Variants in TAF6L observed in about 807,000 individuals in gnomAD.
TAF6L encodes TAF6-like RNA polymerase II p300/CBP-associated factor-associated factor 65 kDa subunit 6L.
Under a neutral mutation model 57.3 loss-of-function variants are expected in TAF6L, and 34 were observed. The ratio of observed to expected loss-of-function variants is 0.59; its 90% CI spans 0.45 to 0.79. TAF6L has a LOEUF of 0.79. Ranked by LOEUF, TAF6L falls within the 30% of genes least tolerant of loss-of-function variation. The probability of loss-of-function intolerance (pLI) is 0.00; values close to 1 mark genes in which losing one functional copy is unlikely to be tolerated. For missense variants in TAF6L, 782 were observed against 853.2 expected (o/e 0.92, Z 1.04); for synonymous variants, 417 against 376.3 (o/e 1.11, Z -1.25).
chr11:62,786,150 T>C (rs2084272812), intron 9 of TAF6L, 110 bp from the exon 10 acceptor site: 5 of 1,379,000 alleles, frequency 3.6e-6, no homozygotes, highest in Non-Finnish European at 5.0e-6. Flanking sequence ...TTTAGGAGGA[T>C]TGAGCCCTGT....
At chr11:62,771,654 T>G (rs1363793116) in intron 1 of TAF6L, 164 bp downstream of exon 1, 3 of 175,092 alleles carry the variant, frequency 1.7e-5, no homozygotes, top group Non-Finnish European at 3.8e-5. Context: ...CTCCCCGATC[T>G]GGGCTGGGCT....
chr11:62,772,175 A>C (rs919499133), intron 1 of TAF6L: 1 of 456,140 alleles, frequency 2.2e-6, no homozygotes, highest in Admixed American at 2.4e-5. Flanking sequence ...TATTATTGAG[A>C]ATATAGTGAA....
chr11:62,776,465 G>A lies in TAF6L; in HGVS notation c.229G>A (p.Val77Met), dbSNP rs941145872. Residue 77 changes from valine to methionine, a missense_variant, in exon 3 of 11, where the codon GTG (valine) becomes ATG (methionine). Coordinates refer to ENST00000294168, the MANE Select transcript of TAF6L (RefSeq NM_006473.4). ...CAACAGGGCCCTCAGATGGAGCAGC[G>A]TGGAGGTGAGTGGGGTGCAGGCTAC... ...DFNRALRWSS[V>M]EAVCGYGSQE... 35 of 1,613,404 alleles carry A rather than the reference G, an allele frequency of 2.2e-5. No individual in the cohort carries two copies. Among genetic ancestry groups the A allele is most frequent in the Non-Finnish European group, 2.6e-5 (31 of 1,179,568 alleles).
Position 62,786,985 on chromosome 11 carries a change from G to T in TAF6L, c.1558G>T (p.Glu520Ter). Residue 520 changes from glutamate (E) to a stop codon, truncating the protein, a stop_gained, in exon 11 of 11, where the codon GAG becomes TAG. Coordinates refer to ENST00000294168, the MANE Select transcript of TAF6L (RefSeq NM_006473.4). LOFTEE classifies it high-confidence loss of function. Reference sequence around the variant, plus strand: ...GTCGGCCTCTGGGCCCGCCGCCTCTGAGAGCAGGCCCTTGCCGCGCGTGCA... The same window carrying T: ...GTCGGCCTCTGGGCCCGCCGCCTCTTAGAGCAGGCCCTTGCCGCGCGTGCA... ...PASASGPAAS[E>*]SRPLPRVHRA... 6.9e-7 allele frequency: 1 copy of T among 1,456,498 alleles called. No individual in the cohort carries two copies. Among genetic ancestry groups the T allele is most frequent in the South Asian group, 1.4e-5 (1 of 73,252 alleles). The allele number at this position is 1,456,498 out of a possible 1,614,324, so 90.2% of individuals were successfully genotyped here.
chr11:62,776,591 C>T, intron 3 of TAF6L, 121 bp downstream of exon 3: 1 of 972,858 alleles, frequency 1.0e-6, no homozygotes, highest in Non-Finnish European at 1.6e-6. Flanking sequence ...TGGCTCATGC[C>T]TGTAATCCCA....
intron 5 of TAF6L, 103 bp from the exon 6 acceptor site, chr11:62,778,765 CT>C (rs1286692278): frequency 2.0e-6 from 2 of 983,450 alleles, no homozygotes; most frequent in Non-Finnish European, 3.2e-6. Flanking sequence ...AGAAAGGCTT[CT>C]TGTGGATGTG....
At chr11:62,781,834 C>A in intron 6 of TAF6L, 60 bp from the exon 7 acceptor site, 1 of 1,386,872 alleles carries the variant, frequency 7.2e-7, no homozygotes, top group Non-Finnish European at 1.0e-6. Context: ...CAGAAGAATA[C>A]CGCATTCATG....
chr11:62,777,405 A>C (rs955196643), intron 3 of TAF6L, among the ~76,000 whole-genome samples: 1 of 152,202 alleles, frequency 6.6e-6, no homozygotes, highest in South Asian at 2.1e-4. Context: ...ACCAGGTGCT[A>C]GGCCCAGCCC....
At chr11:62,779,968 A>ATTTTTT (rs1341684851) in intron 6 of TAF6L, among the ~76,000 whole-genome samples, 1 of 66,634 alleles carries the variant, frequency 1.5e-5, no homozygotes, top group African/African-American at 4.4e-5. Flanking sequence ...ATATATATAT[A>ATTTTTT]TATATATATT....
Position 62,778,871 on chromosome 11 carries a change from C to T in TAF6L, c.439C>T (p.Pro147Ser), listed in dbSNP as rs1389362476. ...GCTTCCTGCCTGTCCTCTGGCAGTG[C>T]CCAGTGCTGTGTCTTCACTGACAGA... ...KGNLAPQGSV[P>S]SAVSSLTDDL... is the part of the protein sequence containing the mutation. Residue 147 changes from proline to serine, a missense_variant and splice_region_variant, in exon 6 of 11, where the codon CCC becomes TCC. Coordinates refer to ENST00000294168, the MANE Select transcript of TAF6L (RefSeq NM_006473.4). 2 of 1,613,850 alleles carry T rather than the reference C, an allele frequency of 1.2e-6. No individual in the cohort carries two copies. Among genetic ancestry groups the T allele is most frequent in the Admixed American group, 1.7e-5 (1 of 60,010 alleles).
In TAF6L at chr11:62,786,982, T is replaced by G; in HGVS notation, c.1555T>G (p.Ser519Ala). 2 of 1,455,780 alleles carry G rather than the reference T, an allele frequency of 1.4e-6. No homozygotes were observed. Among genetic ancestry groups the G allele is most frequent in the South Asian group, 1.4e-5 (1 of 73,184 alleles). 90.2% of individuals were successfully genotyped at this position (1,455,780 alleles called of 1,614,324 possible). Reference sequence around the variant, plus strand: ...CGCGTCGGCCTCTGGGCCCGCCGCCTCTGAGAGCAGGCCCTTGCCGCGCGT... The same window carrying G: ...CGCGTCGGCCTCTGGGCCCGCCGCCGCTGAGAGCAGGCCCTTGCCGCGCGT... ...GPASASGPAA[S>A]ESRPLPRVHR... Residue 519 changes from serine to alanine, a missense_variant, in exon 11 of 11, where the codon TCT becomes GCT. Physicochemically the swap from Ser to Ala is moderately conservative, Grantham distance 99. Coordinates refer to ENST00000294168, the MANE Select transcript of TAF6L (RefSeq NM_006473.4).
intron 6 of TAF6L, among the ~76,000 whole-genome samples, chr11:62,780,415 G>A (rs900532094): frequency 6.6e-6 from 1 of 152,034 alleles, no homozygotes; most frequent in Admixed American, 6.6e-5. Context: ...GGAGGCTGAC[G>A]CAGGAGAATC....
Position 62,786,920 on chromosome 11 carries a change from G to C in TAF6L, c.1493G>C (p.Gly498Ala), listed in dbSNP as rs907890241. The change falls in exon 11 of 11, where the codon GGC (glycine) becomes GCC (alanine). Residue 498 changes from glycine to alanine, a missense_variant. By Grantham distance (60) the Gly-to-Ala change is moderately conservative. Around this residue, in one of 3 missense-constraint regions of TAF6L, gnomAD observed 483 missense variants for 445.1 expected, o/e 1.09. Transcript: ENST00000294168. Reference sequence around the variant, plus strand: ...GCAAGCGCCATAGTCAGCCCGCACGGCGACGAGAGCCCCCGGGGCAGCGGC... The same window carrying C: ...GCAAGCGCCATAGTCAGCCCGCACGCCGACGAGAGCCCCCGGGGCAGCGGC... ...LTASAIVSPH[G>A]DESPRGSGGG... 3.3e-6 allele frequency: 5 copies of C among 1,493,236 alleles called. No homozygotes were observed. In the East Asian group the frequency reaches 1.4e-4, roughly 41 times the overall value. 92.5% of individuals were successfully genotyped at this position (1,493,236 alleles called of 1,614,324 possible). A position where few individuals can be genotyped will look rare whatever the true frequency, so the allele number is the denominator to read the frequency against.
At chr11:62,779,865 C>T (rs1361890648) in intron 6 of TAF6L, among the ~76,000 whole-genome samples, 7 of 145,300 alleles carry the variant, frequency 4.8e-5, no homozygotes, top group Non-Finnish European at 1.1e-4. Flanking sequence ...GAGGTTTCAC[C>T]GTGTTGGCCA....
intron 6 of TAF6L, among the ~76,000 whole-genome samples, chr11:62,781,178 G>C (rs1007940391): frequency 6.7e-6 from 1 of 149,042 alleles, no homozygotes; most frequent in Non-Finnish European, 1.5e-5. Flanking sequence ...AGAGGTTGCA[G>C]TGAGCTGAGA....
chr11:62,776,856 A>G (rs1285070088), intron 3 of TAF6L, among the ~76,000 whole-genome samples: 4 of 151,000 alleles, frequency 2.6e-5, no homozygotes, highest in Admixed American at 2.0e-4. Flanking sequence ...AAAAGAAAAA[A>G]AAAAAAAAAA....
At chr11:62,779,030 T>G (rs2084208132) in intron 6 of TAF6L, 67 bp downstream of exon 6, 1 of 1,456,128 alleles carries the variant, frequency 6.9e-7, no homozygotes, top group South Asian at 1.2e-5. Context: ...TTTTTTTTTT[T>G]TTTTTTTGAG....
rs201212023 is a variant in TAF6L at position 62,786,634 on chromosome 11, C to A, written c.1207C>A (p.Gln403Lys). Residue 403 changes from glutamine (Q) to lysine (K), a missense_variant, in exon 11 of 11, where the codon CAA (glutamine) becomes AAA (lysine). Physicochemically the swap from Gln to Lys is moderately conservative, Grantham distance 53. This residue lies in a region of TAF6L where 483 missense variants were observed against 445.1 expected (regional missense o/e 1.09). Coordinates refer to ENST00000294168, the MANE Select transcript of TAF6L (RefSeq NM_006473.4). ...DDLPWDSLLF[Q>K]ESSSGGGAEP... ...CCTGCCATGGGACAGCCTTCTCTTT[C>A]AAGAGTCGTCCTCCGGGGGCGGTGC... 3.1e-6 allele frequency: 5 copies of A among 1,602,366 alleles called. No homozygotes were observed. In the South Asian group the frequency reaches 3.3e-5, roughly 11 times the overall value.
At chr11:62,771,871 A>G (rs1239736451) in intron 1 of TAF6L, 6 of 307,756 alleles carry the variant, frequency 1.9e-5, no homozygotes, top group South Asian at 2.6e-5. Flanking sequence ...AAATGCTCCC[A>G]TTTTACAGAT....
Sources: allele counts gnomAD v4.1 joint callset (sites outside exome capture counted in the v4.1 genomes callset), GRCh38; gene constraint gnomAD v4.1.1; regional missense constraint gnomAD v4.1.1; transcripts MANE v1.5; gene names NCBI Gene and HGNC (gene_info 2026-07-23, HGNC 2026-07-21).